The following LPP variants were observed in gnomAD, a reference collection of about 807,000 sequenced individuals.
LPP encodes the protein lipoma-preferred partner.
LPP carries 38 observed loss-of-function variants against 60.4 expected under a neutral mutation model. The ratio of observed to expected loss-of-function variants is 0.63; its 90% CI spans 0.49 to 0.83. LPP has a LOEUF of 0.83. Among genes scored for constraint, LPP ranks in the 40% least tolerant of loss-of-function variants. The pLI, the probability that LPP is intolerant of heterozygous loss-of-function variation, is 0.00. For synonymous variants in LPP, 328 were observed against 290.8 expected (o/e 1.13, Z -1.30); for missense variants, 902 against 783.6 (o/e 1.15, Z -1.80).
intron 2 of LPP, among the ~76,000 whole-genome samples, chr3:188,296,917 T>C (rs527925952): frequency 1.3e-5 from 2 of 152,272 alleles, no homozygotes; most frequent in East Asian, 3.9e-4. Context: ...TGCCTCCTCA[T>C]CTGAGAACAA....
At chr3:188,804,284 A>ATATATATATAT (rs1367742182) in intron 9 of LPP, among the ~76,000 whole-genome samples, 1 of 39,892 alleles carries the variant, frequency 2.5e-5, no homozygotes, top group African/African-American at 9.2e-5. Flanking sequence ...TATATATATA[A>ATATATATATAT]AATGGAATAC....
intron 4 of LPP, among the ~76,000 whole-genome samples, chr3:188,481,260 G>T (rs933476084): frequency 6.6e-6 from 1 of 152,082 alleles, no homozygotes; most frequent in African/African-American, 2.4e-5. Flanking sequence ...ACATTTGCCC[G>T]TTCCTCTACA....
chr3:188,291,396 T>C (rs1271687558), intron 2 of LPP, among the ~76,000 whole-genome samples: 1 of 152,100 alleles, frequency 6.6e-6, no homozygotes, highest in Non-Finnish European at 1.5e-5. Context: ...TCCCAGCACT[T>C]TGGCAGGCCC....
chr3:188,834,614 G>T (rs999634578), intron 9 of LPP, among the ~76,000 whole-genome samples: 1 of 152,142 alleles, frequency 6.6e-6, no homozygotes, highest in African/African-American at 2.4e-5. Context: ...CCACCAGGTG[G>T]TGAGTTCCTG....
At chr3:188,651,385 T>C (rs1047703644) in intron 7 of LPP, among the ~76,000 whole-genome samples, 5 of 152,122 alleles carry the variant, frequency 3.3e-5, no homozygotes, top group African/African-American at 4.8e-5. Flanking sequence ...GGGGAAGATA[T>C]CATAAAACAG....
chr3:188,341,564 G>T (rs893565913), intron 2 of LPP, 99 bp from the exon 3 acceptor site: 12 of 301,750 alleles, frequency 4.0e-5, no homozygotes, highest in African/African-American at 2.5e-4. Flanking sequence ...TGTAAAACAA[G>T]AAACCATTAT....
intron 4 of LPP, among the ~76,000 whole-genome samples, chr3:188,409,409 CAA>C (rs974820404): frequency 6.6e-6 from 1 of 152,180 alleles, no homozygotes; most frequent in African/African-American, 2.4e-5. Flanking sequence ...CTGTATGAAA[CAA>C]AGATGTATCC....
At chr3:188,194,432 G>T (rs1728982785) in intron 1 of LPP, among the ~76,000 whole-genome samples, 1 of 152,128 alleles carries the variant, frequency 6.6e-6, no homozygotes, top group Non-Finnish European at 1.5e-5. Flanking sequence ...CTCTAGAGAG[G>T]CAACTGAGCC....
rs1480839077 is a variant in LPP, at chr3:188,870,066, G to C, written c.1590-2577G>C. The stretch of plus-strand genomic sequence containing the variant: ...AGTTTAGATTTACATCTTAATCTCT[G>C]TGTTTTATAGAGTTTTATAAGTCTG... On this transcript the variant is annotated intron_variant, in intron 10 of 11. Transcript: ENST00000617246. Among the ~76,000 whole-genome samples, 3 of 152,096 alleles carry C rather than the reference G, an allele frequency of 2.0e-5. No homozygotes were observed. In the East Asian group the frequency reaches 5.8e-4, roughly 29 times the overall value.
intron 3 of LPP, among the ~76,000 whole-genome samples, chr3:188,402,294 G>C (rs1417849717): frequency 6.6e-6 from 1 of 152,102 alleles, no homozygotes; most frequent in Non-Finnish European, 1.5e-5. Flanking sequence ...ATGATTATAT[G>C]TACACAAATT....
chr3:188,621,273 T>C (rs1181051158), intron 7 of LPP, among the ~76,000 whole-genome samples: 1 of 152,076 alleles, frequency 6.6e-6, no homozygotes, highest in Non-Finnish European at 1.5e-5. Flanking sequence ...TGGACCCAGG[T>C]GGTAAGCATA....
At chr3:188,250,025 G>C (rs1354142580) in intron 2 of LPP, among the ~76,000 whole-genome samples, 3 of 151,750 alleles carry the variant, frequency 2.0e-5, no homozygotes, top group Admixed American at 2.0e-4. Flanking sequence ...TCACAGTATG[G>C]TAATCAGCTT....
At chr3:188,854,490 A>G (rs1763376897) in intron 9 of LPP, among the ~76,000 whole-genome samples, 2 of 152,190 alleles carry the variant, frequency 1.3e-5, no homozygotes, top group African/African-American at 4.8e-5. Context: ...GCATGTCTTT[A>G]TGGCCTTCCT....
In LPP at chr3:188,591,779, G is replaced by T. The variant is rs578155342; in HGVS notation, c.430-17382G>T. The stretch of plus-strand genomic sequence containing the variant: ...GAATGTGATAATACAAATAATAATG[G>T]TACTCACAACAACAATAAATGACTG... On this transcript the variant is annotated intron_variant, in intron 6 of 11. Coordinates refer to ENST00000617246, the MANE Select transcript of LPP (RefSeq NM_001375462.1). Among the ~76,000 whole-genome samples, 262 of 152,258 alleles carry T rather than the reference G, an allele frequency of 1.7e-3. 3 individuals carry two copies. Among genetic ancestry groups the T allele is most frequent in the African/African-American group, 6.1e-3 (252 of 41,550 alleles).
chr3:188,524,924 CT>C, intron 6 of LPP, 137 bp downstream of exon 6: 1 of 649,018 alleles, frequency 1.5e-6, no homozygotes, highest in South Asian at 2.5e-5. Context: ...TCCTTCCTTC[CT>C]TCCTTCCTTC....
chr3:188,705,001 T>C (rs1865203445), intron 7 of LPP, among the ~76,000 whole-genome samples: 1 of 152,204 alleles, frequency 6.6e-6, no homozygotes, highest in African/African-American at 2.4e-5. Flanking sequence ...ACTTTGAAAC[T>C]GTGCTCCTCT....
chr3:188,487,844 A>G (rs1056318817), intron 5 of LPP, among the ~76,000 whole-genome samples: 1 of 152,168 alleles, frequency 6.6e-6, no homozygotes, highest in Admixed American at 6.5e-5. Context: ...TTTATGCAGA[A>G]GACTGTTTAT....
intron 9 of LPP, among the ~76,000 whole-genome samples, chr3:188,811,705 G>A (rs1482780258): frequency 6.6e-6 from 1 of 152,106 alleles, no homozygotes; most frequent in African/African-American, 2.4e-5. Flanking sequence ...TGAGGAAACT[G>A]AGGCTTAGGG....
chr3:188,670,009 A>T (rs1389257302), intron 7 of LPP, among the ~76,000 whole-genome samples: 2 of 152,216 alleles, frequency 1.3e-5, no homozygotes, highest in Non-Finnish European at 2.9e-5. Flanking sequence ...TAGGACAGAA[A>T]ACCAAACACC....
Sources: gnomAD v4.1 joint callset for allele counts (sites outside exome capture counted in the v4.1 genomes callset) on GRCh38, gnomAD v4.1.1 for gene constraint, MANE v1.5 for transcripts, NCBI Gene and HGNC (gene_info 2026-07-23, HGNC 2026-07-21) for gene names.